Variants in SLC22A16 observed in about 807,000 individuals in gnomAD.
SLC22A16 encodes the protein WUGSC:RG331P03.1.
Under a neutral mutation model 52.9 loss-of-function variants are expected in SLC22A16, and 53 were observed. The ratio of observed to expected loss-of-function variants is 1.00; its 90% confidence interval spans 0.80 to 1.26. SLC22A16 has a LOEUF of 1.26. SLC22A16 is among the 50% of genes most tolerant of loss of function. SLC22A16 has a pLI of 0.00. For missense variants in SLC22A16, 726 were observed against 704.0 expected, an observed-to-expected ratio of 1.03 and a Z score of -0.35; for synonymous variants, 291 against 268.8, an observed-to-expected ratio of 1.08 and a Z score of -0.81.
At chr6:110,454,824 T>TTATATAATATATATTATAATA (rs1562292760) in intron 2 of SLC22A16, among the ~76,000 whole-genome samples, 2 of 6,198 alleles carry the variant, frequency 3.2e-4, no homozygotes, top group South Asian at 3.5e-3. Flanking sequence ...ATATGTTATA[T>TTATATAATATATATTATAATA]TATATAATAT....
At position 110,449,026 on chromosome 6, in the gene SLC22A16, C is replaced by T. The variant is rs1271934856; in HGVS notation, c.534-2036G>A. Among the ~76,000 whole-genome samples the T allele has an allele frequency of 2.6e-5, 4 of 152,146 alleles. No homozygotes were observed. The East Asian group carries it at 7.7e-4, about 29-fold the overall frequency. Reference sequence around the variant, plus strand: ...CTTGACCCCATTGCTCCTTTAGCCACGTTGCATTTCCTCCCTTGACAGATA... The same window carrying T: ...CTTGACCCCATTGCTCCTTTAGCCATGTTGCATTTCCTCCCTTGACAGATA... On this transcript the variant is annotated intron_variant, in intron 2 of 7. Coordinates refer to ENST00000368919, the MANE Select transcript of SLC22A16 (RefSeq NM_033125.4).
At chr6:110,467,829 C>T (rs570049129) in intron 1 of SLC22A16, among the ~76,000 whole-genome samples, 15 of 152,266 alleles carry the variant, frequency 9.9e-5, no homozygotes, top group African/African-American at 3.4e-4. Context: ...CTTCTATGCA[C>T]ACATTCATAT....
intron 2 of SLC22A16, among the ~76,000 whole-genome samples, chr6:110,454,833 A>G (rs1222684006): frequency 1.5e-5 from 1 of 66,786 alleles, no homozygotes; most frequent in African/African-American, 6.0e-5. Flanking sequence ...ATTATATAAT[A>G]TATATATTAT....
intron 1 of SLC22A16, chr6:110,476,223 TG>T: frequency 1.4e-6 from 1 of 721,934 alleles, no homozygotes; most frequent in Non-Finnish European, 2.0e-6. Context: ...TCCAGCCAGA[TG>T]CCTCCAGCAT....
chr6:110,458,490 G>A (rs1775752111), intron 1 of SLC22A16, among the ~76,000 whole-genome samples: 1 of 152,176 alleles, frequency 6.6e-6, no homozygotes, highest in African/African-American at 2.4e-5. Flanking sequence ...GAAACAATTT[G>A]AGCAACAAAA....
chr6:110,432,545 C>T (rs1774547467), intron 6 of SLC22A16, among the ~76,000 whole-genome samples: 1 of 152,136 alleles, frequency 6.6e-6, no homozygotes, highest in Non-Finnish European at 1.5e-5. Flanking sequence ...GAAGCTTTTC[C>T]TGGCTGAGCA....
At chr6:110,437,747 T>A (rs1774789832) in intron 5 of SLC22A16, among the ~76,000 whole-genome samples, 1 of 152,028 alleles carries the variant, frequency 6.6e-6, no homozygotes, top group African/African-American at 2.4e-5. Context: ...TCTGAAAACA[T>A]CTTTTTTGGG....
chr6:110,425,342 T>G (rs9487402), intron 7 of SLC22A16: 350,023 of 1,410,998 alleles, frequency 0.25, 47,010 homozygotes, highest in East Asian at 0.48. Flanking sequence ...AATTGCCAGC[T>G]ACTGCCTGCA....
chr6:110,458,119 A>T (rs1448732927), intron 1 of SLC22A16, among the ~76,000 whole-genome samples: 15 of 152,164 alleles, frequency 9.9e-5, no homozygotes, highest in Admixed American at 8.5e-4. Context: ...AGTCTCTGAT[A>T]TGCAGAAATA....
chr6:110,427,474 C>T (rs925658374), intron 7 of SLC22A16, among the ~76,000 whole-genome samples: 3 of 152,096 alleles, frequency 2.0e-5, no homozygotes, highest in Non-Finnish European at 2.9e-5. Flanking sequence ...TTAAATATTA[C>T]GCAAAAGGCA....
Position 110,476,591 on chromosome 6 carries a change from G to C in SLC22A16, c.-17C>G. On this transcript the variant is annotated 5_prime_UTR_variant, in exon 1 of 8. Transcript: ENST00000368919. ...GGACCCCATGGTGCGGCCGTGCACT[G>C]GGCGCCGAGTTAGCCGAGCTCCGGG... 6.6e-7 allele frequency: 1 copy of C among 1,524,384 alleles called. No individual in the cohort carries two copies. The highest frequency in any genetic ancestry group is 8.8e-7 in the Non-Finnish European group (1 of 1,137,684). The allele number at this position is 1,524,384 out of a possible 1,614,324, so 94.4% of individuals were successfully genotyped here. A position where few individuals can be genotyped will look rare whatever the true frequency, so the allele number is the denominator to read the frequency against.
chr6:110,448,058 T>G (rs1775243890), intron 2 of SLC22A16, among the ~76,000 whole-genome samples: 1 of 152,210 alleles, frequency 6.6e-6, no homozygotes, highest in Non-Finnish European at 1.5e-5. Context: ...GTGTAACATT[T>G]TGAGGAACTG....
intron 1 of SLC22A16, among the ~76,000 whole-genome samples, chr6:110,461,738 C>T (rs1014645113): frequency 2.0e-5 from 3 of 152,098 alleles, no homozygotes; most frequent in African/African-American, 7.2e-5. Context: ...CATAGAGACC[C>T]TTGGCCCCCT....
At chr6:110,431,419 G>C in intron 6 of SLC22A16, 149 bp from the exon 7 acceptor site, 1 of 619,242 alleles carries the variant, frequency 1.6e-6, no homozygotes, top group Non-Finnish European at 2.9e-6. Flanking sequence ...AACCTCGGTG[G>C]CCCCGCGAGA....
intron 2 of SLC22A16, among the ~76,000 whole-genome samples, chr6:110,451,845 G>A (rs1775391853): frequency 6.6e-6 from 1 of 151,922 alleles, no homozygotes; most frequent in South Asian, 2.1e-4. Context: ...CTTCCATTAG[G>A]TCCTGAAAAT....
rs554395849 is a variant in SLC22A16 at position 110,428,460 on chromosome 6, G to C, written c.1521+2711C>G. The stretch of plus-strand genomic sequence containing the variant: ...TGTTGGACCTTGTGTAAAAGGCAAA[G>C]GAGCATGGTATTTGGGTTCAAATCC... On this transcript the variant is annotated intron_variant, in intron 7 of 7. Transcript: ENST00000368919. Among the ~76,000 whole-genome samples the C allele has an allele frequency of 3.9e-5, 6 of 152,306 alleles. No individual in the cohort carries two copies. In the East Asian group the frequency reaches 1.2e-3, roughly 29 times the overall value.
intron 5 of SLC22A16, among the ~76,000 whole-genome samples, chr6:110,436,866 A>G (rs1774752528): frequency 6.6e-6 from 1 of 152,120 alleles, no homozygotes; most frequent in African/African-American, 2.4e-5. Flanking sequence ...GTAACTAACA[A>G]AGACACCCTA....
At chr6:110,463,374 C>T (rs1321218855) in intron 1 of SLC22A16, among the ~76,000 whole-genome samples, 2 of 151,356 alleles carry the variant, frequency 1.3e-5, no homozygotes, top group Admixed American at 6.6e-5. Context: ...CTGCTACCTA[C>T]AAGAGACCAC....
At chr6:110,467,308 T>G (rs1398245076) in intron 1 of SLC22A16, among the ~76,000 whole-genome samples, 2 of 152,188 alleles carry the variant, frequency 1.3e-5, no homozygotes, top group African/African-American at 4.8e-5. Flanking sequence ...TTTATGCATT[T>G]TCTAGTCCCC....
Sources: allele counts gnomAD v4.1 joint callset (sites outside exome capture counted in the v4.1 genomes callset), GRCh38; gene constraint gnomAD v4.1.1; transcripts MANE v1.5; gene names NCBI Gene and HGNC (gene_info 2026-07-23, HGNC 2026-07-21).